The following NBPF12 variants were observed in gnomAD, a reference collection of about 807,000 sequenced individuals.
NBPF12 encodes NBPF family member NBPF12.
In NBPF12, 115 loss-of-function variants were observed where a neutral mutation model predicts 146.4. The ratio of observed to expected loss-of-function variants is 0.79; its 90% CI spans 0.68 to 0.92. The LOEUF is 0.92. NBPF12 is among the 40% of genes least tolerant of loss of function. The probability of loss-of-function intolerance (pLI) is 0.00; values close to 1 mark genes in which losing one functional copy is unlikely to be tolerated. For synonymous variants in NBPF12, 385 were observed against 508.9 expected, an observed-to-expected ratio of 0.76 and a Z score of 3.28; for missense variants, 1,205 against 1,326.8, an observed-to-expected ratio of 0.91 and a Z score of 1.43.
chr1:146,948,204 T>A (rs1570815811), upstream of NBPF12, among the ~76,000 whole-genome samples: 1 of 151,590 alleles, frequency 6.6e-6, no homozygotes, highest in Non-Finnish European at 1.5e-5. Flanking sequence ...AGAGACAGGG[T>A]TTCTTCATGT....
Position 146,984,999 on chromosome 1 carries a change from T to C in NBPF12, c.2839+14T>C. 3 of 1,167,834 alleles carry C rather than the reference T, an allele frequency of 2.6e-6. No homozygotes were observed. Among genetic ancestry groups the C allele is most frequent in the South Asian group, 2.5e-5 (2 of 81,174 alleles). 72.3% of individuals were successfully genotyped at this position (1,167,834 alleles called of 1,614,324 possible). ...TTGACATGGATGGTGAGTACCTTTC[T>C]ATGAAGGTGATAAGGATCCACTGAG... On this transcript the variant is annotated intron_variant, in intron 22 of 33. Transcript: ENST00000617844.
At chr1:146,945,222 T>C (rs1654998675), upstream of NBPF12, among the ~76,000 whole-genome samples, 1 of 151,650 alleles carries the variant, frequency 6.6e-6, no homozygotes, top group South Asian at 2.1e-4. Flanking sequence ...AAATCTACAT[T>C]ACTTATCAAA....
chr1:146,972,494 A>AAG (rs1364359599), intron 13 of NBPF12, among the ~76,000 whole-genome samples: 1 of 151,640 alleles, frequency 6.6e-6, no homozygotes, highest in Non-Finnish European at 1.5e-5. Flanking sequence ...TAAAAATCTC[A>AAG]GGGCCAAGCC....
intron 8 of NBPF12, among the ~76,000 whole-genome samples, chr1:146,965,419 G>T (rs1656122578): frequency 6.6e-6 from 1 of 150,710 alleles, no homozygotes; most frequent in African/African-American, 2.5e-5. Flanking sequence ...AGGATGGGCT[G>T]AGATGATCCT....
Position 146,967,691 on chromosome 1 carries a change from G to T in NBPF12, c.989-757G>T, listed in dbSNP as rs1439426458. On this transcript the variant is annotated intron_variant, in intron 9 of 33. Coordinates refer to ENST00000617844, the Ensembl canonical transcript of NBPF12. Reference sequence around the variant, plus strand: ...GCCTGTCTCCTGGGCTCCATCCAAGGTGCTTGTCTTGTCTGTCCCTCAGTT... The same window carrying T: ...GCCTGTCTCCTGGGCTCCATCCAAGTTGCTTGTCTTGTCTGTCCCTCAGTT... Among the ~76,000 whole-genome samples the T allele has an allele frequency of 6.2e-3, 895 of 144,446 alleles. 13 individuals carry two copies. The highest frequency in any genetic ancestry group is 0.02 in the African/African-American group (763 of 37,252). The allele number at this position is 144,446 out of a possible 152,430, so 94.8% of individuals were successfully genotyped here.
rs1234988457 is a variant in NBPF12, at chr1:146,972,686, C to T, written c.1592-65C>T. On this transcript the variant is annotated intron_variant, in intron 13 of 33. Coordinates refer to ENST00000617844, the Ensembl canonical transcript of NBPF12. Reference sequence around the variant, plus strand: ...AGGCTACCAGTGACATCCCTCAGTCCTGATTAAGCCTATTTCATTTCATCA... The same window carrying T: ...AGGCTACCAGTGACATCCCTCAGTCTTGATTAAGCCTATTTCATTTCATCA... 5 of 1,287,652 alleles carry T rather than the reference C, an allele frequency of 3.9e-6. No individual in the cohort carries two copies. In the African/African-American group the frequency reaches 7.4e-5, roughly 19 times the overall value. 79.8% of individuals were successfully genotyped at this position (1,287,652 alleles called of 1,614,324 possible).
intron 4 of NBPF12, 148 bp downstream of exon 7, chr1:146,960,466 G>T: frequency 1.6e-6 from 1 of 616,776 alleles, no homozygotes. Flanking sequence ...TTTTGTTAAA[G>T]TTGGAAGACA....
chr1:146,989,342 C>T (rs1657997902), intron 27 of NBPF12, among the ~76,000 whole-genome samples: 1 of 106,286 alleles, frequency 9.4e-6, no homozygotes, highest in South Asian at 3.3e-4. Context: ...TTCTCTCTGT[C>T]TCTGTCTCTG....
intron 19 of NBPF12, among the ~76,000 whole-genome samples, chr1:146,981,356 A>G (rs1327009858): frequency 2.1e-5 from 3 of 142,616 alleles, no homozygotes; most frequent in Admixed American, 7.1e-5. Flanking sequence ...ATACATATGG[A>G]AAAAAAAAGA....
chr1:146,994,542 G>T (rs1280940680), exon 34 of NBPF12: 2 of 1,609,522 alleles, frequency 1.2e-6, no homozygotes, highest in Non-Finnish European at 1.7e-6. Context: ...GTCTCCACCT[G>T]GTCTTCCAGA....
chr1:146,950,536 T>C (rs1422799226), intron 1 of NBPF12, among the ~76,000 whole-genome samples: 1 of 151,834 alleles, frequency 6.6e-6, no homozygotes, highest in Non-Finnish European at 1.5e-5. Flanking sequence ...AGCCTGGGAC[T>C]GACCCTCTGT....
chr1:146,943,915 C>T (rs1369815245), intron 2 of NBPF12, among the ~76,000 whole-genome samples: 2 of 144,260 alleles, frequency 1.4e-5, no homozygotes, highest in Non-Finnish European at 3.0e-5. Flanking sequence ...TGTCCTCTTT[C>T]ACCTGCTTTC....
At chr1:146,967,637 C>A (rs1277858737) in intron 9 of NBPF12, among the ~76,000 whole-genome samples, 14 of 150,420 alleles carry the variant, frequency 9.3e-5, no homozygotes, top group African/African-American at 3.5e-4. Flanking sequence ...GTGGAGGTAG[C>A]AGTGCAGTGT....
At chr1:146,969,732 C>T in intron 11 of NBPF12, 136 bp downstream of exon 14, 1 of 1,520,020 alleles carries the variant, frequency 6.6e-7, no homozygotes, top group East Asian at 2.3e-5. Context: ...ATGACCAGGA[C>T]TTCCTGGGTA....
At chr1:146,972,019 C>T (rs1303378720) in intron 13 of NBPF12, among the ~76,000 whole-genome samples, 4 of 146,354 alleles carry the variant, frequency 2.7e-5, no homozygotes, top group Non-Finnish European at 4.5e-5. Flanking sequence ...ACCCAGGAAC[C>T]GGATCTTGCA....
intron 2 of NBPF12, chr1:146,957,786 C>A (rs1314836191): frequency 1.5e-5 from 2 of 130,794 alleles, no homozygotes; most frequent in Admixed American, 1.6e-4. Context: ...CGCCACGACT[C>A]TGCTAGCTGT....
chr1:146,962,327 C>T lies in NBPF12; in HGVS notation c.278+64C>T, dbSNP rs1333858806. On this transcript the variant is annotated intron_variant, in intron 5 of 33. Coordinates refer to ENST00000617844, the Ensembl canonical transcript of NBPF12. The stretch of plus-strand genomic sequence containing the variant: ...TGTAGATCTCTGAAGTACAGCAGCT[C>T]GGCGGGGAGAAGTAAGAACGAAGCT... The T allele has an allele frequency of 3.6e-5, 49 of 1,349,134 alleles. 1 individual carries two copies. The highest frequency in any genetic ancestry group is 2.3e-4 in the South Asian group (20 of 85,268). The allele number at this position is 1,349,134 out of a possible 1,614,324, so 83.6% of individuals were successfully genotyped here. A position where few individuals can be genotyped will look rare whatever the true frequency, so the allele number is the denominator to read the frequency against.
Position 146,970,637 on chromosome 1 carries a change from G to T in NBPF12, c.1307-10G>T, listed in dbSNP as rs1553886254. 221 of 1,548,224 alleles carry T rather than the reference G, an allele frequency of 1.4e-4. 3 individuals are homozygous for T. Among genetic ancestry groups the T allele is most frequent in the Middle Eastern group, 2.3e-4 (1 of 4,346 alleles). On this transcript the variant is annotated splice_polypyrimidine_tract_variant and intron_variant, in intron 11 of 33. Transcript: ENST00000617844. ...TGGAAAATATCTGAACGAACATTTT[G>T]TATTTATAGAAAATGATGAAGATGA...
chr1:146,971,843 G>T (rs1478684988), intron 13 of NBPF12, among the ~76,000 whole-genome samples: 1 of 150,112 alleles, frequency 6.7e-6, no homozygotes, highest in African/African-American at 2.5e-5. Flanking sequence ...ACTTTGGGAG[G>T]CCGAGGCGGG....
Sources: allele counts gnomAD v4.1 joint callset (sites outside exome capture counted in the v4.1 genomes callset), GRCh38; gene constraint gnomAD v4.1.1; transcripts MANE v1.5; gene names NCBI Gene and HGNC (gene_info 2026-07-23, HGNC 2026-07-21).